GABRB2: variants seen among roughly 807,000 people sequenced by gnomAD.
The protein encoded by GABRB2 is gamma-aminobutyric acid type A receptor subunit beta2.
GABRB2 carries 16 observed loss-of-function variants against 54.7 expected under a neutral mutation model. The observed-to-expected ratio is 0.29, with a 90% CI of 0.20 to 0.44. GABRB2 has a LOEUF of 0.44. Ranked by LOEUF, GABRB2 falls within the 20% of genes least tolerant of loss-of-function variation. The pLI, the probability that GABRB2 is intolerant of heterozygous loss-of-function variation, is 1.00. For synonymous variants in GABRB2, 244 were observed against 233.8 expected (o/e 1.04, Z -0.40); for missense variants, 355 against 644.0 (o/e 0.55, Z 4.86).
rs570590541 is a variant in GABRB2 at position 161,322,593 on chromosome 5, T to C, written c.1191+3775A>G. 1.1e-4 allele frequency among the ~76,000 whole-genome samples: 17 copies of C among 152,326 alleles called. No homozygotes were observed. The South Asian group carries it at 3.5e-3, about 32-fold the overall frequency. ...ATTAGATTCTGACATTAGACTTAAATATTTTTTTCTATTCCATTTTTTTCC... is the reference window on the plus strand; with the variant it reads ...ATTAGATTCTGACATTAGACTTAAACATTTTTTTCTATTCCATTTTTTTCC... On this transcript the variant is annotated intron_variant, in intron 9 of 9. Coordinates refer to ENST00000393959, the MANE Select transcript of GABRB2 (RefSeq NM_001371727.1).
intron 9 of GABRB2, among the ~76,000 whole-genome samples, chr5:161,319,138 T>TAA (rs374082239): frequency 1.4e-5 from 2 of 141,658 alleles, no homozygotes; most frequent in Non-Finnish European, 1.5e-5. Flanking sequence ...TTTTTTTTTT[T>TAA]TAAATAAACA....
intron 5 of GABRB2, among the ~76,000 whole-genome samples, chr5:161,384,508 C>T (rs1056206466): frequency 6.6e-6 from 1 of 152,102 alleles, no homozygotes; most frequent in African/African-American, 2.4e-5. Context: ...TTCCTTTATC[C>T]AGCCATTCAG....
chr5:161,310,905 C>G (rs1391775838), intron 9 of GABRB2, among the ~76,000 whole-genome samples: 2 of 151,962 alleles, frequency 1.3e-5, no homozygotes, highest in Non-Finnish European at 1.5e-5. Flanking sequence ...GGATTACAGG[C>G]GTCCACCACC....
At chr5:161,487,845 C>T (rs1758975005) in intron 3 of GABRB2, among the ~76,000 whole-genome samples, 2 of 151,998 alleles carry the variant, frequency 1.3e-5, no homozygotes, top group African/African-American at 4.8e-5. Flanking sequence ...CACTGCTGTG[C>T]TCCTAAATTC....
chr5:161,505,506 A>G (rs1372093761), intron 3 of GABRB2, among the ~76,000 whole-genome samples: 3 of 152,168 alleles, frequency 2.0e-5, no homozygotes, highest in Non-Finnish European at 4.4e-5. Flanking sequence ...AAAACTGTGC[A>G]CCTATTTTTC....
intron 5 of GABRB2, among the ~76,000 whole-genome samples, chr5:161,371,447 C>G (rs1755130457): frequency 6.6e-6 from 1 of 151,960 alleles, no homozygotes; most frequent in South Asian, 2.1e-4. Context: ...CATCTTTGCA[C>G]CAGAAATGAA....
intron 5 of GABRB2, among the ~76,000 whole-genome samples, chr5:161,368,127 A>ACACACACACG (rs1471214646): frequency 6.6e-6 from 1 of 151,284 alleles, no homozygotes; most frequent in Admixed American, 6.6e-5. Context: ...ACACACACAC[A>ACACACACACG]CACACACACA....
intron 3 of GABRB2, among the ~76,000 whole-genome samples, chr5:161,503,929 C>T (rs1456032738): frequency 6.6e-6 from 1 of 151,974 alleles, no homozygotes; most frequent in African/African-American, 2.4e-5. Flanking sequence ...ACAAATTAGA[C>T]TTCTACATAA....
At chr5:161,450,794 A>AT (rs1491542737) in intron 4 of GABRB2, among the ~76,000 whole-genome samples, 3 of 152,214 alleles carry the variant, frequency 2.0e-5, no homozygotes, top group Non-Finnish European at 2.9e-5. Context: ...CATGGAAAAC[A>AT]TATTTTTTAA....
intron 3 of GABRB2, among the ~76,000 whole-genome samples, chr5:161,488,407 GGTCTTTA>G (rs1341285255): frequency 1.3e-5 from 2 of 151,330 alleles, no homozygotes; most frequent in Non-Finnish European, 3.0e-5. Flanking sequence ...CTCTCACTGT[GGTCTTTA>G]GTCTTCTTTA....
intron 3 of GABRB2, among the ~76,000 whole-genome samples, chr5:161,490,705 T>G (rs1430584524): frequency 6.6e-6 from 1 of 151,706 alleles, no homozygotes; most frequent in Non-Finnish European, 1.5e-5. Flanking sequence ...CCTTATATAG[T>G]ACTTGTCACA....
intron 3 of GABRB2, among the ~76,000 whole-genome samples, chr5:161,494,003 C>T (rs1411771769): frequency 6.6e-6 from 1 of 151,676 alleles, no homozygotes; most frequent in Non-Finnish European, 1.5e-5. Context: ...ACAATGTATA[C>T]ATATTTTGCA....
chr5:161,546,556 G>A lies in GABRB2; in HGVS notation c.77+11C>T, dbSNP rs1760991458. On this transcript the variant is annotated intron_variant, in intron 1 of 9. Transcript: ENST00000393959. ...GTGAGAACGGAAAAGAGAAACGCTG[G>A]GCACACTTACCTCTGCGCACAGACA... 2.5e-6 allele frequency: 4 copies of A among 1,592,052 alleles called. No homozygotes were observed. In the African/African-American group the frequency reaches 4.0e-5, roughly 16 times the overall value.
In GABRB2 at chr5:161,360,969, C is replaced by G. The variant is rs147193352; in HGVS notation, c.542-24200G>C. On this transcript the variant is annotated intron_variant, in intron 5 of 9. Transcript: ENST00000393959. ...AGGCTGCAGCAAACTATGATTGCACCACTGCACTCCATCCTGGGTAGCACG... is the reference window on the plus strand; with the variant it reads ...AGGCTGCAGCAAACTATGATTGCACGACTGCACTCCATCCTGGGTAGCACG... Among the ~76,000 whole-genome samples, 942 of 150,990 alleles carry G rather than the reference C, an allele frequency of 6.2e-3. 11 individuals are homozygous for G. The highest frequency in any genetic ancestry group is 0.05 in the South Asian group (241 of 4,806).
chr5:161,402,213 A>T (rs909167150), intron 5 of GABRB2, among the ~76,000 whole-genome samples: 2 of 152,190 alleles, frequency 1.3e-5, no homozygotes, highest in East Asian at 3.9e-4. Flanking sequence ...AAAATAGGCA[A>T]CTGGTTACAG....
At position 161,459,641 on chromosome 5, in the gene GABRB2, G is replaced by T. The variant is rs370578958; in HGVS notation, c.441C>A (p.Thr147=). The change falls in exon 4 of 10, where the codon ACC becomes ACA. Residue 147 remains threonine (T), a synonymous_variant. Coordinates refer to ENST00000393959, the MANE Select transcript of GABRB2 (RefSeq NM_001371727.1). ...NRMIRLHPDG[T]VLYGLRITTT... is the part of the protein sequence containing the mutation. ...CAACAGACCTGAGTCCATAAAGGACGGTGCCATCAGGATGCAGGCGAATCA... is the reference window on the plus strand; with the variant it reads ...CAACAGACCTGAGTCCATAAAGGACTGTGCCATCAGGATGCAGGCGAATCA... 1.9e-6 allele frequency: 3 copies of T among 1,613,830 alleles called. No individual in the cohort carries two copies. The African/African-American group carries it at 4.0e-5, about 22-fold the overall frequency.
rs961278386 is a variant in GABRB2 at position 161,289,131 on chromosome 5, C to A, written c.*4950G>T. 3 of 151,176 alleles carry A rather than the reference C, an allele frequency of 2.0e-5. No individual in the cohort carries two copies. The highest frequency in any genetic ancestry group is 4.4e-5 in the Non-Finnish European group (3 of 67,906). The allele number at this position is 151,176 out of a possible 1,614,324, so 9.4% of individuals were successfully genotyped here. A position where few individuals can be genotyped will look rare whatever the true frequency, so the allele number is the denominator to read the frequency against. On this transcript the variant is annotated 3_prime_UTR_variant, in exon 10 of 10. Transcript: ENST00000393959. ...ATATTGATCTTCATCACAAATAAAA[C>A]TTCTTTAAGCAAATTAAAATTTGAT...
intron 3 of GABRB2, among the ~76,000 whole-genome samples, chr5:161,482,600 T>C (rs1299547841): frequency 1.3e-5 from 2 of 152,026 alleles, no homozygotes; most frequent in Non-Finnish European, 2.9e-5. Flanking sequence ...TTTAAAAAGG[T>C]GATACCTCAA....
intron 5 of GABRB2, among the ~76,000 whole-genome samples, chr5:161,355,917 T>A (rs1754613304): frequency 6.6e-6 from 1 of 152,160 alleles, no homozygotes; most frequent in African/African-American, 2.4e-5. Flanking sequence ...AGAAAAAATA[T>A]CTTACTCAAG....
Sources: allele counts gnomAD v4.1 joint callset (sites outside exome capture counted in the v4.1 genomes callset), GRCh38; gene constraint gnomAD v4.1.1; transcripts MANE v1.5; gene names NCBI Gene and HGNC (gene_info 2026-07-23, HGNC 2026-07-21).